LCN10: variants seen among roughly 807,000 people sequenced by gnomAD.
LCN10 encodes epididymal-specific lipocalin-10.
LCN10 carries 18 observed loss-of-function variants against 25.1 expected under a neutral mutation model. The ratio of observed to expected loss-of-function variants is 0.72; its 90% CI spans 0.50 to 1.06. The LOEUF is 1.06. LCN10 is among the 50% of genes least tolerant of loss of function. The pLI is 0.00. For missense variants in LCN10, 257 were observed against 258.9 expected (o/e 0.99, Z 0.05); for synonymous variants, 130 against 116.7 (o/e 1.11, Z -0.73).
At chr9:136,742,619 T>C in intron 1 of LCN10, 168 bp downstream of exon 1, 1 of 828,094 alleles carries the variant, frequency 1.2e-6, no homozygotes, top group East Asian at 2.8e-5. Context: ...CCCTGCAACT[T>C]GCGGGGCCCC....
intron 3 of LCN10, 145 bp from the exon 4 acceptor site, chr9:136,741,088 C>A: frequency 2.0e-6 from 2 of 982,936 alleles, no homozygotes; most frequent in South Asian, 1.5e-5. Context: ...CCGGGGCCTC[C>A]CCTCCCGGGC....
At chr9:136,742,473 T>C in intron 1 of LCN10, 1 of 461,086 alleles carries the variant, frequency 2.2e-6, no homozygotes. Flanking sequence ...CTACAGAATA[T>C]GCCCCGCTTG....
chr9:136,740,218 G>T lies in LCN10; in HGVS notation c.476-170C>A. The T allele has an allele frequency of 3.2e-6, 2 of 626,030 alleles. No homozygotes were observed. Among genetic ancestry groups the T allele is most frequent in the Admixed American group, 4.8e-5 (2 of 41,750 alleles). 38.8% of individuals were successfully genotyped at this position (626,030 alleles called of 1,614,324 possible). A position where few individuals can be genotyped will look rare whatever the true frequency, so the allele number is the denominator to read the frequency against. On this transcript the variant is annotated intron_variant, in intron 4 of 5. Transcript: ENST00000497771. This position sits in a 1 kb window ranked among gnomAD's most constrained non-coding sequence, Gnocchi z 5.3. ...GGCCGCTGGGCCCCTCCCCACTTAC[G>T]AGGCAGCCAGGCTCGGGAAGCCAGG...
At chr9:136,741,771 C>T (rs757151589) in intron 2 of LCN10, 110 bp downstream of exon 2, 349 of 1,395,848 alleles carry the variant, frequency 2.5e-4, no homozygotes, top group Non-Finnish European at 3.0e-4. Flanking sequence ...GGGGACGGTT[C>T]TTGTGGAACT....
At position 136,740,391 on chromosome 9, in the gene LCN10, C is replaced by T. The variant is rs1039694061; in HGVS notation, c.476-343G>A. Reference sequence around the variant, plus strand: ...CCACCTCCCCTCTACCCGTTCCAACCGGGAGGGCCACTCCTTTCCGTGTAC... The same window carrying T: ...CCACCTCCCCTCTACCCGTTCCAACTGGGAGGGCCACTCCTTTCCGTGTAC... On this transcript the variant is annotated intron_variant, in intron 4 of 5. Coordinates refer to ENST00000497771, the MANE Select transcript of LCN10 (RefSeq NM_001001712.3). This position sits in a 1 kb window ranked among gnomAD's most constrained non-coding sequence, Gnocchi z 5.3. 7 of 441,710 alleles carry T rather than the reference C, an allele frequency of 1.6e-5. No homozygotes were observed. The highest frequency in any genetic ancestry group is 4.2e-5 in the East Asian group (1 of 23,586). The allele number at this position is 441,710 out of a possible 1,614,324, so 27.4% of individuals were successfully genotyped here.
rs776449242 is a variant in LCN10, at chr9:136,741,347, T to G, written c.272A>C (p.Gln91Pro). 5.6e-6 allele frequency: 9 copies of G among 1,612,034 alleles called. No homozygotes were observed. In the Admixed American group the frequency reaches 8.3e-5, roughly 15 times the overall value. The change falls in exon 3 of 6, where the codon CAG (glutamine) becomes CCG (proline). Residue 91 changes from glutamine (Q) to proline (P), a missense_variant. Physicochemically the swap from Gln to Pro is moderately conservative, Grantham distance 76. Transcript: ENST00000497771. ...TTTCCTCAGGATCACCTCCTGGGAC[T>G]GGCACCCCTTCAACCTGGGGCCAAG... ...LLAFRRLKGCQSQEVILRKDG... is the reference protein window; with the variant it reads ...LLAFRRLKGCPSQEVILRKDG...
In LCN10 at chr9:136,740,585, T is replaced by G. The variant is rs1846910270; in HGVS notation, c.475+251A>C. Reference sequence around the variant, plus strand: ...GCACCTGCACCCGCCACCATCCTGGTGGCCTCCGCTCCCCCTGGATGGCCC... The same window carrying G: ...GCACCTGCACCCGCCACCATCCTGGGGGCCTCCGCTCCCCCTGGATGGCCC... On this transcript the variant is annotated intron_variant, in intron 4 of 5. Coordinates refer to ENST00000497771, the MANE Select transcript of LCN10 (RefSeq NM_001001712.3). The surrounding 1 kb of genome is among the most constrained non-coding windows in gnomAD (Gnocchi z 5.3). 2 of 537,238 alleles carry G rather than the reference T, an allele frequency of 3.7e-6. No homozygotes were observed. The highest frequency in any genetic ancestry group is 3.3e-6 in the Non-Finnish European group (1 of 301,334). The allele number at this position is 537,238 out of a possible 1,614,324, so 33.3% of individuals were successfully genotyped here.
chr9:136,741,497 C>T, intron 2 of LCN10, 136 bp from the exon 3 acceptor site: 1 of 661,572 alleles, frequency 1.5e-6, no homozygotes, highest in Non-Finnish European at 2.6e-6. Flanking sequence ...CCCAGGTCCC[C>T]AGTTTTTTGC....
rs368977538 is a variant in LCN10, at chr9:136,739,601, A to G, written c.575-48T>C. On this transcript the variant is annotated intron_variant, in intron 5 of 5. Coordinates refer to ENST00000497771, the MANE Select transcript of LCN10 (RefSeq NM_001001712.3). This position sits in a 1 kb window ranked among gnomAD's most constrained non-coding sequence, Gnocchi z 6.1. ...CATGTGGGCTGGCTGCTTGGAGGAGACACATGAGCCGTGAACACGTCTCCC... is the reference window on the plus strand; with the variant it reads ...CATGTGGGCTGGCTGCTTGGAGGAGGCACATGAGCCGTGAACACGTCTCCC... 735 of 1,566,256 alleles carry G rather than the reference A, an allele frequency of 4.7e-4. No homozygotes were observed. The highest frequency in any genetic ancestry group is 5.7e-4 in the Non-Finnish European group (657 of 1,152,952).
At chr9:136,742,215 C>G (rs1345639105) in intron 1 of LCN10, 195 bp from the exon 2 acceptor site, 1 of 669,568 alleles carries the variant, frequency 1.5e-6, no homozygotes, top group Non-Finnish European at 2.5e-6. Flanking sequence ...AGCAGGTGCC[C>G]GGCTGGTCAG....
In LCN10 at chr9:136,739,545, T is replaced by A. The variant is rs759847598; in HGVS notation, c.583A>T (p.Thr195Ser). 6.2e-7 allele frequency: 1 copy of A among 1,600,666 alleles called. No homozygotes were observed. The highest frequency in any genetic ancestry group is 1.1e-5 in the South Asian group (1 of 88,342). ...GGCTCTCATGGCAGGATGGTGTGTG[T>A]ACGGGACGCTGTGGGAGAGGAAAAC... Reference protein sequence around the residue: ...AVILPKDASRTHTILP With the variant: ...AVILPKDASRSHTILP The change falls in exon 6 of 6, where the codon ACA becomes TCA. Residue 195 changes from threonine (T) to serine (S), a missense_variant. Thr to Ser is a moderately conservative substitution (Grantham distance 58, BLOSUM62 1). Transcript: ENST00000497771. The surrounding 1 kb of genome is among the most constrained non-coding windows in gnomAD (Gnocchi z 6.1).
At position 136,742,024 on chromosome 9, in the gene LCN10, C is replaced by A; in HGVS notation, c.118-4G>T. On this transcript the variant is annotated splice_polypyrimidine_tract_variant and splice_region_variant and intron_variant, in intron 1 of 5. Transcript: ENST00000497771. Reference sequence around the variant, plus strand: ...GAATGTACCAGAACCCTGAAAACTGCGCAGCGGATGTGTGGGCGGGGACAG... The same window carrying A: ...GAATGTACCAGAACCCTGAAAACTGAGCAGCGGATGTGTGGGCGGGGACAG... The A allele has an allele frequency of 6.2e-7, 1 of 1,612,596 alleles. No individual in the cohort carries two copies. The highest frequency in any genetic ancestry group is 8.5e-7 in the Non-Finnish European group (1 of 1,179,670).
chr9:136,741,680 G>A (rs542916188), intron 2 of LCN10: 1 of 728,550 alleles, frequency 1.4e-6, no homozygotes. Flanking sequence ...AAGGTCTGCA[G>A]GCAGCTTCCT....
chr9:136,742,137 A>G (rs1846950782), intron 1 of LCN10, 117 bp from the exon 2 acceptor site: 2 of 1,318,982 alleles, frequency 1.5e-6, no homozygotes, highest in Admixed American at 4.4e-5. Context: ...CCGGAGTCCC[A>G]GCTCCGCCCA....
chr9:136,742,212 G>A (rs1846952322), intron 1 of LCN10, 192 bp from the exon 2 acceptor site: 1 of 677,188 alleles, frequency 1.5e-6, no homozygotes, highest in African/African-American at 1.8e-5. Context: ...AGAAGCAGGT[G>A]CCCGGCTGGT....
In LCN10 at chr9:136,739,653, C is replaced by T; in HGVS notation, c.575-100G>A. 1.7e-6 allele frequency: 2 copies of T among 1,152,866 alleles called. No individual in the cohort carries two copies. Among genetic ancestry groups the T allele is most frequent in the South Asian group, 1.3e-5 (1 of 75,660 alleles). The allele number at this position is 1,152,866 out of a possible 1,614,324, so 71.4% of individuals were successfully genotyped here. ...CGGCCGCTCCCTGGTTCCATGCGTG[C>T]TCGTCTTGGGCACCACGAGAACACA... On this transcript the variant is annotated intron_variant, in intron 5 of 5. Coordinates refer to ENST00000497771, the MANE Select transcript of LCN10 (RefSeq NM_001001712.3). The surrounding 1 kb of genome is among the most constrained non-coding windows in gnomAD (Gnocchi z 6.1).
chr9:136,742,757 C>G (rs772982702), intron 1 of LCN10, 30 bp downstream of exon 1: 1 of 1,610,714 alleles, frequency 6.2e-7, no homozygotes. Context: ...AGCCGGCGCC[C>G]GGCTCAGGGA....
At chr9:136,742,548 C>A (rs1028789582) in intron 1 of LCN10, 2 of 573,446 alleles carry the variant, frequency 3.5e-6, no homozygotes, top group South Asian at 4.6e-5. Context: ...CTGGGCCCCT[C>A]CACCCTGGCC....
Position 136,742,001 on chromosome 9 carries a change from A to C in LCN10, c.137T>G (p.Ile46Ser). ...NWNKFSGFWY[I>S]LATATDAQGF... The stretch of plus-strand genomic sequence containing the variant: ...CTGGGCATCAGTGGCAGTGGCCAGA[A>C]TGTACCAGAACCCTGAAAACTGCGC... The change falls in exon 2 of 6, where the codon ATT (isoleucine) becomes AGT (serine). Residue 46 changes from isoleucine to serine, a missense_variant. Transcript: ENST00000497771. The C allele has an allele frequency of 6.2e-7, 1 of 1,612,920 alleles. No individual in the cohort carries two copies.
Sources: gnomAD v4.1 joint callset for allele counts on GRCh38, gnomAD v4.1.1 for gene constraint, Gnocchi (gnomAD v3.1) non-coding constraint, MANE v1.5 for transcripts, NCBI Gene and HGNC (gene_info 2026-07-23, HGNC 2026-07-21) for gene names.